STK40: variants seen among roughly 807,000 people sequenced by gnomAD.
STK40 encodes the protein serine/threonine-protein kinase 40.
Under a neutral mutation model 47.9 loss-of-function variants are expected in STK40, and 13 were observed. That is an observed-to-expected ratio of 0.27 (90% CI 0.18 to 0.43). The LOEUF (loss-of-function observed/expected upper bound fraction) is 0.43. Ranked by LOEUF, STK40 falls within the 20% of genes least tolerant of loss-of-function variation. STK40 has a pLI of 1.00. For synonymous variants in STK40, 225 were observed against 243.2 expected (o/e 0.93, Z 0.69); for missense variants, 460 against 595.1 (o/e 0.77, Z 2.36).
At position 36,345,991 on chromosome 1, in the gene STK40, A is replaced by ATTTTT. The variant is rs143130232; in HGVS notation, c.740-1732_740-1728dup. ...TACATATATATATATATATATATAT[A>ATTTTT]TTTTTTTTTTTTTTTTTTCCTGAGA... On this transcript the variant is annotated intron_variant, in intron 7 of 10. Transcript: ENST00000373132. Among the ~76,000 whole-genome samples the ATTTTT allele has an allele frequency of 1.7e-3, 44 of 26,468 alleles. 2 individuals are homozygous for ATTTTT. Among genetic ancestry groups the ATTTTT allele is most frequent in the East Asian group, 0.011 (15 of 1,366 alleles). The allele number at this position is 26,468 out of a possible 152,430, so 17.4% of individuals were successfully genotyped here.
chr1:36,359,000 G>C (rs1646829541), intron 2 of STK40, among the ~76,000 whole-genome samples, 178 bp from the exon 3 acceptor site: 1 of 152,210 alleles, frequency 6.6e-6, no homozygotes, highest in African/African-American at 2.4e-5. Flanking sequence ...TCCAAAAATA[G>C]AGGGGTATGT....
At chr1:36,380,458 T>C (rs1247504105) in intron 1 of STK40, among the ~76,000 whole-genome samples, 1 of 152,198 alleles carries the variant, frequency 6.6e-6, no homozygotes, top group Non-Finnish European at 1.5e-5. Context: ...GAGCAAGTCC[T>C]GGGTGGCCTC....
Position 36,341,882 on chromosome 1 carries a change from T to C in STK40, c.1181A>G (p.Asp394Gly), listed in dbSNP as rs1202904292. 2 of 1,614,008 alleles carry C rather than the reference T, an allele frequency of 1.2e-6. No homozygotes were observed. The highest frequency in any genetic ancestry group is 2.2e-5 in the South Asian group (2 of 91,084). ...CCGCTTGGGTACCCAGCTCCGGGCG[T>C]CATGGATGGAGCTCTTCTCCTCGGC... ...LLAEEKSSIH[D>G]ARSWVPKRQF... is the part of the protein sequence containing the mutation. Residue 394 changes from aspartate (D) to glycine (G), a missense_variant, in exon 11 of 11, where the codon GAC (aspartate) becomes GGC (glycine). Coordinates refer to ENST00000373132, the MANE Select transcript of STK40 (RefSeq NM_001282547.2).
At position 36,343,889 on chromosome 1, in the gene STK40, C is replaced by T; in HGVS notation, c.975G>A (p.Leu325=). Residue 325 remains leucine, a synonymous_variant, in exon 9 of 11, where the codon CTG becomes CTA. Coordinates refer to ENST00000373132, the MANE Select transcript of STK40 (RefSeq NM_001282547.2). ...ATGCAATGATGGCACTGAGGGCCTC[C>T]AGGACGTCGGCGGCGGCCAGGCGCT... ...PQQRLAAADV[L]EALSAIIASW... is the part of the protein sequence containing the mutation. The T allele has an allele frequency of 6.2e-7, 1 of 1,605,534 alleles. No individual in the cohort carries two copies. Among genetic ancestry groups the T allele is most frequent in the Non-Finnish European group, 8.5e-7 (1 of 1,173,842 alleles).
At chr1:36,371,465 A>T (rs1646946355) in intron 1 of STK40, among the ~76,000 whole-genome samples, 1 of 151,492 alleles carries the variant, frequency 6.6e-6, no homozygotes, top group Non-Finnish European at 1.5e-5. Flanking sequence ...GAGGCAGGAG[A>T]ATGGCGTGAA....
rs1646794585 is a variant in STK40 at position 36,355,404 on chromosome 1, T to C, written c.372A>G (p.Thr124=). ...TCTTCTTAACCATCCGGCTGGATTC[T>C]GTGTCCTCAACGATTTCACAGGTGC... ...QDRTCEIVED[T]ESSRMVKKMK... The change falls in exon 5 of 11, where the codon ACA becomes ACG. Residue 124 remains threonine, a synonymous_variant. Coordinates refer to ENST00000373132, the MANE Select transcript of STK40 (RefSeq NM_001282547.2). 2 of 1,614,224 alleles carry C rather than the reference T, an allele frequency of 1.2e-6. No individual in the cohort carries two copies. The highest frequency in any genetic ancestry group is 1.3e-5 in the African/African-American group (1 of 75,076).
chr1:36,350,234 A>G (rs1485136768), intron 6 of STK40, among the ~76,000 whole-genome samples: 2 of 152,184 alleles, frequency 1.3e-5, no homozygotes, highest in Non-Finnish European at 2.9e-5. Context: ...GGGTCACTGC[A>G]AAGGGTCACT....
At chr1:36,356,422 T>C (rs1009571583) in intron 4 of STK40, among the ~76,000 whole-genome samples, 6 of 132,012 alleles carry the variant, frequency 4.5e-5, no homozygotes, top group Admixed American at 1.5e-4. Context: ...CTTTTTCTTT[T>C]TTTTTTTTTT....
chr1:36,371,426 C>T (rs867861299), intron 1 of STK40, among the ~76,000 whole-genome samples: 3 of 150,846 alleles, frequency 2.0e-5, no homozygotes, highest in African/African-American at 4.9e-5. Flanking sequence ...TGCTGGTGGG[C>T]GCCTGTAGTG....
chr1:36,365,329 T>C (rs1304624709), intron 1 of STK40, among the ~76,000 whole-genome samples: 1 of 152,198 alleles, frequency 6.6e-6, no homozygotes, highest in East Asian at 1.9e-4. Context: ...ACTGACTATA[T>C]GTGGTGCACC....
rs376119803 is a variant in STK40 at position 36,343,865 on chromosome 1, T to C, written c.999A>G (p.Ala333=). 6.3e-7 allele frequency: 1 copy of C among 1,591,984 alleles called. No homozygotes were observed. Among genetic ancestry groups the C allele is most frequent in the African/African-American group, 1.3e-5 (1 of 74,532 alleles). Residue 333 remains alanine, a synonymous_variant, in exon 9 of 11, where the codon GCA becomes GCG. Transcript: ENST00000373132. Reference sequence around the variant, plus strand: ...TCAAGTGCCTGTCCACTTACCATGATGCAATGATGGCACTGAGGGCCTCCA... The same window carrying C: ...TCAAGTGCCTGTCCACTTACCATGACGCAATGATGGCACTGAGGGCCTCCA... The part of the protein sequence containing the change: ...DVLEALSAII[A]SWQSLSSLSG...
intron 7 of STK40, among the ~76,000 whole-genome samples, chr1:36,345,200 C>A (rs1646689030): frequency 6.6e-6 from 1 of 152,274 alleles, no homozygotes. Context: ...CAGGCTGTGG[C>A]AGCCTGGACC....
chr1:36,377,931 C>G (rs1647005848), intron 1 of STK40, among the ~76,000 whole-genome samples: 1 of 152,206 alleles, frequency 6.6e-6, no homozygotes, highest in African/African-American at 2.4e-5. Flanking sequence ...CTATAAAGCC[C>G]TGTGTCTCAT....
At chr1:36,342,976 G>T in intron 10 of STK40, 1 of 586,206 alleles carries the variant, frequency 1.7e-6, no homozygotes, top group Non-Finnish European at 3.0e-6. Flanking sequence ...CAGGGAATGG[G>T]GAGGAAAGAA....
At chr1:36,371,342 C>T (rs1383585089) in intron 1 of STK40, among the ~76,000 whole-genome samples, 1 of 150,770 alleles carries the variant, frequency 6.6e-6, no homozygotes, top group East Asian at 2.0e-4. Flanking sequence ...ATCATGAGGT[C>T]AGGAGATCGA....
chr1:36,354,496 C>T, intron 5 of STK40, 80 bp from the exon 6 acceptor site: 3 of 1,480,484 alleles, frequency 2.0e-6, no homozygotes, highest in South Asian at 1.1e-5. Context: ...TGGGGGCTCT[C>T]CAGGTGTTCG....
intron 10 of STK40, chr1:36,342,256 CAG>C (rs1412626617): frequency 2.2e-6 from 1 of 461,418 alleles, no homozygotes; most frequent in East Asian, 4.2e-5. Flanking sequence ...CACTTTACCT[CAG>C]AAGCCTTAGC....
chr1:36,384,850 C>T (rs1647071956), intron 1 of STK40, among the ~76,000 whole-genome samples: 2 of 152,220 alleles, frequency 1.3e-5, no homozygotes, highest in South Asian at 4.1e-4. Context: ...TTCCTTATCT[C>T]ACGCAAAACT....
At chr1:36,346,860 C>T (rs911584335) in intron 7 of STK40, among the ~76,000 whole-genome samples, 1 of 152,354 alleles carries the variant, frequency 6.6e-6, no homozygotes, top group South Asian at 2.1e-4. Context: ...GCCCTGCAAA[C>T]AGGCACAGCC....
Sources: gnomAD v4.1 joint callset for allele counts (sites outside exome capture counted in the v4.1 genomes callset) on GRCh38, gnomAD v4.1.1 for gene constraint, MANE v1.5 for transcripts, NCBI Gene and HGNC (gene_info 2026-07-23, HGNC 2026-07-21) for gene names.